Variants in VBP1 observed in about 807,000 individuals in gnomAD.
VBP1 encodes the protein prefoldin subunit 3.
Under a neutral mutation model 15.5 loss-of-function variants are expected in VBP1, and 4 were observed. That is an observed-to-expected ratio of 0.26 (90% CI 0.13 to 0.59). VBP1 has a LOEUF of 0.59. VBP1 is among the 20% of genes least tolerant of loss of function. The pLI is 0.90. For synonymous variants in VBP1, 61 were observed against 52.1 expected (o/e 1.17, Z -0.74); for missense variants, 108 against 139.6 (o/e 0.77, Z 1.14).
intron 1 of VBP1, among the ~76,000 whole-genome samples, chrX:155,198,012 AC>A (rs1452739472): frequency 7.1e-5 from 8 of 112,278 alleles, no homozygotes; most frequent in Non-Finnish European, 1.3e-4. Context: ...GATTGCTAGC[AC>A]AGCAGTCTGA....
At chrX:155,214,316 A>G (rs1221277486), upstream of VBP1, among the ~76,000 whole-genome samples, 1 of 112,678 alleles carries the variant, frequency 8.9e-6, no homozygotes, top group Non-Finnish European at 1.9e-5. Flanking sequence ...CTAGGGAGAT[A>G]TGTATTTGGC....
At chrX:155,211,210 T>A (rs1340948350) in intron 2 of VBP1, among the ~76,000 whole-genome samples, 1 of 111,756 alleles carries the variant, frequency 8.9e-6, no homozygotes, top group Non-Finnish European at 1.9e-5. Context: ...CTTGCCCAGC[T>A]AGGTGGTTTT....
intron 2 of VBP1, among the ~76,000 whole-genome samples, chrX:155,210,698 A>T (rs1385300382): frequency 1.8e-5 from 2 of 111,984 alleles, no homozygotes; most frequent in Non-Finnish European, 3.8e-5. Context: ...TCCTGTCCTC[A>T]TAGCAAGGCT....
At chrX:155,200,620 G>A (rs1333220403) in intron 1 of VBP1, among the ~76,000 whole-genome samples, 3 of 106,677 alleles carry the variant, frequency 2.8e-5, no homozygotes, top group Non-Finnish European at 5.8e-5. Context: ...GTGTGTAGAG[G>A]GAAATTTATA....
upstream of VBP1, among the ~76,000 whole-genome samples, chrX:155,213,205 A>G (rs782698717): frequency 3.0e-4 from 34 of 111,961 alleles, no homozygotes; most frequent in South Asian, 6.0e-3. Flanking sequence ...TTAGAAACTG[A>G]ATCAGAAGGT....
intron 2 of VBP1, among the ~76,000 whole-genome samples, chrX:155,222,759 G>GT (rs1286813662): frequency 4.5e-5 from 5 of 111,550 alleles, no homozygotes; most frequent in African/African-American, 1.6e-4. Context: ...TGAGAACAGT[G>GT]TTTGTCTAGT....
upstream of VBP1, chrX:155,216,282 A>C: frequency 1.1e-6 from 1 of 880,270 alleles, no homozygotes; most frequent in Non-Finnish European, 1.5e-6. Context: ...CACGCTTGTC[A>C]CTTACCTGAG....
At chrX:155,231,009 C>A (rs782334651) in intron 4 of VBP1, among the ~76,000 whole-genome samples, 1 of 112,239 alleles carries the variant, frequency 8.9e-6, no homozygotes, top group Non-Finnish European at 1.9e-5. Context: ...CTCGCTTGGC[C>A]ACACTTGGAC....
chrX:155,197,212 G>A (rs782434534), intron 1 of VBP1: 1 of 111,757 alleles, frequency 8.9e-6, no homozygotes, highest in South Asian at 3.7e-4. Flanking sequence ...GTACAGAAAA[G>A]TCACAACTCT....
At chrX:155,219,228 T>G (rs1338739504) in intron 1 of VBP1, among the ~76,000 whole-genome samples, 1 of 112,395 alleles carries the variant, frequency 8.9e-6, no homozygotes, top group Non-Finnish European at 1.9e-5. Flanking sequence ...TTGAAGTTAC[T>G]TATAATAAAG....
chrX:155,221,204 C>T (rs1355090119), intron 2 of VBP1, among the ~76,000 whole-genome samples: 6 of 110,650 alleles, frequency 5.4e-5, no homozygotes, highest in African/African-American at 1.3e-4. Flanking sequence ...TGGTGGCATG[C>T]GCTTGTAATC....
intron 3 of VBP1, among the ~76,000 whole-genome samples, chrX:155,227,644 C>T (rs2074725463): frequency 8.9e-6 from 1 of 112,183 alleles, no homozygotes; most frequent in African/African-American, 3.2e-5. Context: ...TGTCTTTCTC[C>T]CTAAGAATAA....
At chrX:155,200,396 T>C (rs1440455939) in intron 1 of VBP1, among the ~76,000 whole-genome samples, 1 of 108,564 alleles carries the variant, frequency 9.2e-6, no homozygotes, top group Non-Finnish European at 1.9e-5. Flanking sequence ...CAACAGAAAT[T>C]ATAACAAACT....
At chrX:155,203,824 A>G (rs1324316573) in intron 1 of VBP1, among the ~76,000 whole-genome samples, 2 of 112,146 alleles carry the variant, frequency 1.8e-5, no homozygotes. Context: ...AATTTCTCCA[A>G]TTTATCATGC....
chrX:155,227,196 G>A (rs782470500), intron 2 of VBP1, 39 bp from the exon 3 acceptor site: 2 of 1,145,809 alleles, frequency 1.7e-6, no homozygotes, highest in Non-Finnish European at 2.4e-6. Context: ...GTTTATTTTT[G>A]CCTGCAAAAT....
At chrX:155,236,427 ATTCT>A in intron 5 of VBP1, 60 bp downstream of exon 5, 1 of 1,139,498 alleles carries the variant, frequency 8.8e-7, no homozygotes, top group African/African-American at 1.8e-5. Context: ...TTAAAAAAAC[ATTCT>A]TTCATGGGCA....
chrX:155,201,998 C>T (rs1557307539), intron 1 of VBP1, among the ~76,000 whole-genome samples: 2 of 111,558 alleles, frequency 1.8e-5, no homozygotes, highest in South Asian at 3.7e-4. Context: ...CATGAGTGAA[C>T]TCCCATTCAC....
intron 1 of VBP1, among the ~76,000 whole-genome samples, chrX:155,206,358 C>T (rs1464161554): frequency 2.7e-5 from 3 of 109,894 alleles, no homozygotes; most frequent in Non-Finnish European, 5.7e-5. Context: ...CTCAGCCTCC[C>T]GAGTAGCTGG....
At chrX:155,211,718 A>T (rs900765807), upstream of VBP1, among the ~76,000 whole-genome samples, 3 of 112,145 alleles carry the variant, frequency 2.7e-5, no homozygotes, top group African/African-American at 9.7e-5. Flanking sequence ...TCTTATCTGT[A>T]TATGTGAAGA....
Sources: allele counts gnomAD v4.1 joint callset (sites outside exome capture counted in the v4.1 genomes callset), GRCh38; gene constraint gnomAD v4.1.1; transcripts MANE v1.5; gene names NCBI Gene and HGNC (gene_info 2026-07-23, HGNC 2026-07-21).